Variants in EIPR1 observed in about 807,000 individuals in gnomAD.
The protein encoded by EIPR1 is EARP and GARP complex-interacting protein 1.
In EIPR1, 25 loss-of-function variants were observed where a neutral mutation model predicts 48.1. The ratio of observed to expected loss-of-function variants is 0.52; its 90% CI spans 0.38 to 0.73. The LOEUF is 0.73. Ranked by LOEUF, EIPR1 falls within the 30% of genes least tolerant of loss-of-function variation. The pLI is 0.00. For missense variants in EIPR1, 415 were observed against 506.2 expected (o/e 0.82, Z 1.73); for synonymous variants, 204 against 201.9 (o/e 1.01, Z -0.09).
Position 3,189,455 on chromosome 2 carries a change from T to G in EIPR1, c.1043A>C (p.Asp348Ala). 5 of 1,576,940 alleles carry G rather than the reference T, an allele frequency of 3.2e-6. No individual in the cohort carries two copies. Among genetic ancestry groups the G allele is most frequent in the Non-Finnish European group, 4.3e-6 (5 of 1,157,300 alleles). ...NVIATYEEHE[D>A]SVYAVDWSSA... ...GGACCAGTCCACGGCATAGACGCTGTCCTCGTGCTCCTCGTAGGTGGCGAT... is the reference window on the plus strand; with the variant it reads ...GGACCAGTCCACGGCATAGACGCTGGCCTCGTGCTCCTCGTAGGTGGCGAT... Residue 348 changes from aspartate to alanine, a missense_variant, in exon 9 of 9, where the codon GAC (aspartate) becomes GCC (alanine). By Grantham distance (126) the Asp-to-Ala change is moderately radical. Transcript: ENST00000382125. The surrounding 1 kb of genome is among the most constrained non-coding windows in gnomAD (Gnocchi z 4.6).
intron 5 of EIPR1, among the ~76,000 whole-genome samples, chr2:3,213,075 A>G (rs1665512967): frequency 6.6e-6 from 1 of 152,218 alleles, no homozygotes; most frequent in Non-Finnish European, 1.5e-5. Flanking sequence ...CTAAGGCACC[A>G]TGAGGGAGAA....
chr2:3,245,188 CCG>C (rs1666757868), intron 4 of EIPR1, among the ~76,000 whole-genome samples: 1 of 150,732 alleles, frequency 6.6e-6, no homozygotes, highest in Non-Finnish European at 1.5e-5. Context: ...TTTTACTTTA[CCG>C]TTGCGTTGCG....
intron 3 of EIPR1, among the ~76,000 whole-genome samples, chr2:3,270,622 G>A (rs912304593): frequency 2.0e-5 from 3 of 152,200 alleles, no homozygotes; most frequent in Non-Finnish European, 4.4e-5. Flanking sequence ...TCAAGTAAGT[G>A]TCCAATAACA....
intron 1 of EIPR1, among the ~76,000 whole-genome samples, chr2:3,370,917 A>G (rs1671098772): frequency 6.6e-6 from 1 of 152,086 alleles, no homozygotes; most frequent in Non-Finnish European, 1.5e-5. Context: ...GAGAAGAGCA[A>G]CTCCAAGACA....
intron 7 of EIPR1, 144 bp from the exon 8 acceptor site, chr2:3,192,725 C>A: frequency 2.7e-6 from 2 of 754,416 alleles, no homozygotes; most frequent in South Asian, 1.9e-5. Flanking sequence ...CAGGGCCTGA[C>A]ATAAGGCAGT....
At chr2:3,246,712 C>A (rs1024651788) in intron 4 of EIPR1, among the ~76,000 whole-genome samples, 4 of 150,612 alleles carry the variant, frequency 2.7e-5, no homozygotes, top group African/African-American at 9.8e-5. Flanking sequence ...CTCCCTGTAG[C>A]CTCCTCCCTG....
rs554737460 is a variant in EIPR1, at chr2:3,259,550, T to G, written c.260-2095A>C. On this transcript the variant is annotated intron_variant, in intron 3 of 8. Transcript: ENST00000382125. ...TCCGGTTCATGTAGCGCTATTCACC[T>G]CTCTCCCCACAGTCCATCAACTTCA... Among the ~76,000 whole-genome samples the G allele has an allele frequency of 2.6e-5, 4 of 152,222 alleles. No individual in the cohort carries two copies. The South Asian group carries it at 8.3e-4, about 32-fold the overall frequency.
At chr2:3,364,826 A>C (rs1423418308) in intron 1 of EIPR1, among the ~76,000 whole-genome samples, 6 of 152,324 alleles carry the variant, frequency 3.9e-5, no homozygotes, top group Non-Finnish European at 5.9e-5. Context: ...GAGACTGAGA[A>C]AAATAGCAGG....
In EIPR1 at chr2:3,312,378, C is replaced by G. The variant is rs1669155342; in HGVS notation, c.259+25639G>C. ...TTGAGTTTCCTGGCAAAGACAGTCC[C>G]TGGAAGGTTCTGTGTGCCTGCTGTG... On this transcript the variant is annotated intron_variant, in intron 3 of 8. Coordinates refer to ENST00000382125, the MANE Select transcript of EIPR1 (RefSeq NM_003310.5). This position sits in a 1 kb window ranked among gnomAD's most constrained non-coding sequence, Gnocchi z 5.5. 6.6e-6 allele frequency among the ~76,000 whole-genome samples: 1 copy of G among 152,180 alleles called. No individual in the cohort carries two copies. Among genetic ancestry groups the G allele is most frequent in the Non-Finnish European group, 1.5e-5 (1 of 68,038 alleles).
intron 3 of EIPR1, among the ~76,000 whole-genome samples, chr2:3,326,805 G>T (rs1669712178): frequency 1.3e-5 from 2 of 152,204 alleles, no homozygotes; most frequent in African/African-American, 4.8e-5. Context: ...AAAATCCACT[G>T]TATCTTCCTA....
At chr2:3,198,270 T>A (rs2103110703) in intron 5 of EIPR1, among the ~76,000 whole-genome samples, 1 of 152,348 alleles carries the variant, frequency 6.6e-6, no homozygotes, top group Admixed American at 6.5e-5. Context: ...AGGTGGCCAC[T>A]GGGAGGCGTG....
intron 1 of EIPR1, among the ~76,000 whole-genome samples, chr2:3,369,411 G>A (rs1049745170): frequency 4.6e-5 from 7 of 152,172 alleles, no homozygotes; most frequent in East Asian, 1.9e-4. Context: ...CGAACCGTGC[G>A]CAAGCCGAAG....
chr2:3,253,563 C>T (rs1055575419), intron 4 of EIPR1, among the ~76,000 whole-genome samples: 1 of 152,144 alleles, frequency 6.6e-6, no homozygotes, highest in Non-Finnish European at 1.5e-5. Context: ...TCCTAAAGAC[C>T]CTACTGCTCC....
At chr2:3,220,823 C>G (rs1324772239) in intron 4 of EIPR1, among the ~76,000 whole-genome samples, 1 of 150,208 alleles carries the variant, frequency 6.7e-6, no homozygotes, top group Non-Finnish European at 1.5e-5. Context: ...GAGGTGCACA[C>G]TAGAGCATTC....
At chr2:3,291,360 G>A (rs376402740) in intron 3 of EIPR1, among the ~76,000 whole-genome samples, 141 of 152,066 alleles carry the variant, frequency 9.3e-4, no homozygotes, top group African/African-American at 2.8e-3. Context: ...CCCAACCCAC[G>A]TAGCGGGCTG....
At chr2:3,348,856 G>C (rs1218628642) in intron 2 of EIPR1, among the ~76,000 whole-genome samples, 1 of 152,236 alleles carries the variant, frequency 6.6e-6, no homozygotes, top group African/African-American at 2.4e-5. Context: ...TGTGCAGGAG[G>C]AGACCAGACT....
chr2:3,314,197 T>C (rs1452728375), intron 3 of EIPR1, among the ~76,000 whole-genome samples: 1 of 152,154 alleles, frequency 6.6e-6, no homozygotes, highest in Non-Finnish European at 1.5e-5. Flanking sequence ...TTCACCTTCC[T>C]CTGCTGAAAA....
chr2:3,330,362 A>C (rs1669849018), intron 3 of EIPR1, among the ~76,000 whole-genome samples: 3 of 152,228 alleles, frequency 2.0e-5, no homozygotes, highest in Non-Finnish European at 4.4e-5. Flanking sequence ...CACGGTCACA[A>C]AGACACAAAA....
chr2:3,332,575 C>T (rs11127409), intron 3 of EIPR1, among the ~76,000 whole-genome samples: 68,243 of 152,126 alleles, frequency 0.45, 16,481 homozygotes, highest in East Asian at 0.81. Context: ...CCACAATCTA[C>T]GCCCACAGAC....
Sources: allele counts gnomAD v4.1 joint callset (sites outside exome capture counted in the v4.1 genomes callset), GRCh38; gene constraint gnomAD v4.1.1; non-coding constraint Gnocchi (gnomAD v3.1); transcripts MANE v1.5; gene names NCBI Gene and HGNC (gene_info 2026-07-23, HGNC 2026-07-21).